The following GRID2 variants were observed in gnomAD, a reference collection of about 807,000 sequenced individuals.
GRID2 encodes the protein glutamate ionotropic receptor delta type subunit 2.
A neutral mutation model predicts 114.8 loss-of-function variants in GRID2; 33 were observed. The observed-to-expected ratio is 0.29, with a 90% CI of 0.22 to 0.38. The LOEUF is 0.38. Among genes scored for constraint, GRID2 ranks in the 10% least tolerant of loss-of-function variants. GRID2 has a pLI of 1.00. For missense variants in GRID2, 1,184 were observed against 1,257.7 expected, an observed-to-expected ratio of 0.94 and a Z score of 0.89; for synonymous variants, 505 against 449.9, an observed-to-expected ratio of 1.12 and a Z score of -1.55.
chr4:93,475,148 G>T (rs1171749990), intron 11 of GRID2, among the ~76,000 whole-genome samples: 1 of 152,036 alleles, frequency 6.6e-6, no homozygotes, highest in African/African-American at 2.4e-5. Flanking sequence ...CCCTAACTCA[G>T]TGACTCCAGA....
At chr4:93,394,623 CCATT>C (rs1765157868) in intron 8 of GRID2, among the ~76,000 whole-genome samples, 1 of 151,932 alleles carries the variant, frequency 6.6e-6, no homozygotes, top group Non-Finnish European at 1.5e-5. Context: ...GCCCCTATGA[CCATT>C]CAGTTAATCA....
At chr4:93,514,921 A>G (rs986254715) in intron 12 of GRID2, among the ~76,000 whole-genome samples, 1 of 152,160 alleles carries the variant, frequency 6.6e-6, no homozygotes, top group African/African-American at 2.4e-5. Flanking sequence ...CTTTGATGGA[A>G]TTGCTAGCTT....
intron 9 of GRID2, among the ~76,000 whole-genome samples, chr4:93,405,424 A>G (rs1258213507): frequency 1.3e-5 from 2 of 152,140 alleles, no homozygotes; most frequent in Non-Finnish European, 2.9e-5. Context: ...GCTATTGTAT[A>G]TGTGGTAGCC....
intron 1 of GRID2, among the ~76,000 whole-genome samples, chr4:92,431,571 C>T (rs1460570799): frequency 2.8e-5 from 4 of 142,068 alleles, no homozygotes; most frequent in East Asian, 2.0e-4. Flanking sequence ...TATTGTTTGA[C>T]GTGTCTTTTT....
At chr4:92,865,711 TA>T (rs1162487696) in intron 2 of GRID2, among the ~76,000 whole-genome samples, 1 of 152,226 alleles carries the variant, frequency 6.6e-6, no homozygotes, top group Non-Finnish European at 1.5e-5. Context: ...GTTTTTCAAA[TA>T]AGTTGAATGA....
chr4:92,435,252 G>T lies in GRID2; in HGVS notation c.88+130508G>T, dbSNP rs192290657. ...GACATTTCACAAATTTCCTTATAGG[G>T]TATGTAAATTATTTCAACCTGAGTG... On this transcript the variant is annotated intron_variant, in intron 1 of 15. Coordinates refer to ENST00000282020, the MANE Select transcript of GRID2 (RefSeq NM_001510.4). 2.6e-3 allele frequency among the ~76,000 whole-genome samples: 390 copies of T among 152,268 alleles called. 5 individuals carry two copies. In the Middle Eastern group the frequency reaches 0.027, roughly 11 times the overall value.
intron 8 of GRID2, among the ~76,000 whole-genome samples, chr4:93,271,969 A>G (rs1462549368): frequency 5.3e-5 from 8 of 152,298 alleles, no homozygotes; most frequent in Middle Eastern, 3.4e-3. Context: ...TCTTCATTTT[A>G]TAGAAGAATA....
At chr4:93,454,603 A>G (rs1364136168) in intron 10 of GRID2, among the ~76,000 whole-genome samples, 1 of 152,066 alleles carries the variant, frequency 6.6e-6, no homozygotes, top group Non-Finnish European at 1.5e-5. Context: ...AACTTTAGCT[A>G]GAATATTTTT....
intron 14 of GRID2, among the ~76,000 whole-genome samples, chr4:93,655,357 A>G (rs1722911645): frequency 6.6e-6 from 1 of 152,190 alleles, no homozygotes; most frequent in Admixed American, 6.5e-5. Context: ...TAACTTTATG[A>G]ATTTGCTTCA....
intron 2 of GRID2, among the ~76,000 whole-genome samples, chr4:92,636,381 GA>G (rs934350531): frequency 1.3e-5 from 2 of 150,560 alleles, no homozygotes; most frequent in Non-Finnish European, 3.0e-5. Flanking sequence ...GGATGTTCAG[GA>G]AAAAAAAATT....
intron 1 of GRID2, among the ~76,000 whole-genome samples, chr4:92,546,336 G>T (rs904291580): frequency 6.6e-6 from 1 of 152,000 alleles, no homozygotes. Context: ...ATTATTTTTC[G>T]TTATCACACT....
intron 5 of GRID2, among the ~76,000 whole-genome samples, chr4:93,212,727 G>C (rs1743688009): frequency 1.3e-5 from 2 of 151,380 alleles, no homozygotes; most frequent in African/African-American, 4.9e-5. Context: ...GTTAATCACT[G>C]CTGAGTATTA....
chr4:92,457,321 T>G (rs977623813), intron 1 of GRID2, among the ~76,000 whole-genome samples: 5 of 152,106 alleles, frequency 3.3e-5, no homozygotes, highest in African/African-American at 1.2e-4. Context: ...TTTTCACATT[T>G]TCCATTGAAT....
chr4:92,545,195 T>G (rs2149166703), intron 1 of GRID2, among the ~76,000 whole-genome samples: 1 of 144,882 alleles, frequency 6.9e-6, no homozygotes, highest in South Asian at 2.3e-4. Flanking sequence ...ATTTGCTATG[T>G]CAGCTAAAGA....
intron 13 of GRID2, among the ~76,000 whole-genome samples, chr4:93,549,918 T>G (rs761665032): frequency 6.6e-6 from 1 of 152,150 alleles, no homozygotes; most frequent in Non-Finnish European, 1.5e-5. Flanking sequence ...ACTACTCTGC[T>G]TCTTGCTTAC....
At chr4:92,469,717 G>A (rs1429656585) in intron 1 of GRID2, among the ~76,000 whole-genome samples, 1 of 151,310 alleles carries the variant, frequency 6.6e-6, no homozygotes, top group Non-Finnish European at 1.5e-5. Context: ...AAACAAAAAA[G>A]CCACAACAAA....
Position 93,476,400 on chromosome 4 carries a change from T to C in GRID2, c.1859-14239T>C, listed in dbSNP as rs142950292. ...ACTATCTGAAAGCTTTCTGAAGATA[T>C]TAAGGGATTTGTTTGAATATCTTTC... is the stretch of plus-strand genomic sequence containing the variant. On this transcript the variant is annotated intron_variant, in intron 11 of 15. Coordinates refer to ENST00000282020, the MANE Select transcript of GRID2 (RefSeq NM_001510.4). 2.0e-5 allele frequency among the ~76,000 whole-genome samples: 3 copies of C among 152,276 alleles called. No individual in the cohort carries two copies. In the East Asian group the frequency reaches 5.8e-4, roughly 29 times the overall value.
At position 92,441,398 on chromosome 4, in the gene GRID2, C is replaced by T. The variant is rs12562154; in HGVS notation, c.88+136654C>T. ...GTGTCAGGGTCAGTCCAAGTGAAAGCGAAGAGAGGCTGGGATTAAGGGGCA... is the reference window on the plus strand; with the variant it reads ...GTGTCAGGGTCAGTCCAAGTGAAAGTGAAGAGAGGCTGGGATTAAGGGGCA... On this transcript the variant is annotated intron_variant, in intron 1 of 15. Transcript: ENST00000282020. Among the ~76,000 whole-genome samples, 185 of 151,924 alleles carry T rather than the reference C, an allele frequency of 1.2e-3. 2 individuals carry two copies. Among genetic ancestry groups the T allele is most frequent in the Middle Eastern group, 6.8e-3 (2 of 294 alleles).
At chr4:92,960,809 CT>C (rs1233680806) in intron 2 of GRID2, among the ~76,000 whole-genome samples, 1 of 151,734 alleles carries the variant, frequency 6.6e-6, no homozygotes, top group Non-Finnish European at 1.5e-5. Flanking sequence ...ATCCTGGTTC[CT>C]TTTTTTGTCT....
Sources: gnomAD v4.1 joint callset for allele counts (sites outside exome capture counted in the v4.1 genomes callset) on GRCh38, gnomAD v4.1.1 for gene constraint, MANE v1.5 for transcripts, NCBI Gene and HGNC (gene_info 2026-07-23, HGNC 2026-07-21) for gene names.